Variants in RBFOX3 observed in about 807,000 individuals in gnomAD.
RBFOX3 encodes the protein RNA binding protein fox-1 homolog 3.
A neutral mutation model predicts 48.7 loss-of-function variants in RBFOX3; 17 were observed. The ratio of observed to expected loss-of-function variants is 0.35; its 90% CI spans 0.24 to 0.52. RBFOX3 has a LOEUF of 0.52. RBFOX3 is among the 20% of genes least tolerant of loss of function. The pLI is 0.94. For missense variants in RBFOX3, 382 were observed against 497.5 expected (o/e 0.77, Z 2.21); for synonymous variants, 212 against 209.5 (o/e 1.01, Z -0.10).
At chr17:79,528,744 C>T (rs981640718) in intron 1 of RBFOX3, among the ~76,000 whole-genome samples, 2 of 152,006 alleles carry the variant, frequency 1.3e-5, no homozygotes, top group Admixed American at 6.6e-5. Context: ...CGGAGCACTG[C>T]GGGCTGCTGG....
chr17:79,520,450 G>C (rs991963918), intron 1 of RBFOX3, among the ~76,000 whole-genome samples: 3 of 152,166 alleles, frequency 2.0e-5, no homozygotes, highest in African/African-American at 7.2e-5. Flanking sequence ...GCACGTGCCA[G>C]GGTCCAGGGG....
At chr17:79,232,708 T>A (rs1323061777) in intron 4 of RBFOX3, among the ~76,000 whole-genome samples, 3 of 149,646 alleles carry the variant, frequency 2.0e-5, no homozygotes, top group South Asian at 2.1e-4. Context: ...CGAAAAAAAA[T>A]CTCTTTACTT....
At chr17:79,107,181 G>A (rs1171650435) in intron 5 of RBFOX3, among the ~76,000 whole-genome samples, 1 of 152,338 alleles carries the variant, frequency 6.6e-6, no homozygotes, top group Admixed American at 6.5e-5. Context: ...GGACCCCACT[G>A]TCTTTCAAGT....
the RBFOX3 span, among the ~76,000 whole-genome samples, chr17:79,659,744 C>T: frequency 6.6e-6 from 1 of 152,162 alleles, no homozygotes; most frequent in Non-Finnish European, 1.5e-5. Context: ...TTAGTATAGG[C>T]TCAATGAATA....
the RBFOX3 span, among the ~76,000 whole-genome samples, chr17:79,636,961 A>T: frequency 2.5e-4 from 38 of 152,366 alleles, no homozygotes; most frequent in African/African-American, 8.4e-4. Flanking sequence ...CTGAAAGTAA[A>T]GCGATGGGAA....
intron 1 of RBFOX3, among the ~76,000 whole-genome samples, chr17:79,494,950 G>A (rs1452749537): frequency 4.6e-5 from 7 of 152,204 alleles, no homozygotes; most frequent in Admixed American, 1.3e-4. Flanking sequence ...GCTGGGCCCC[G>A]AGGAGGACTT....
At chr17:79,264,968 G>T (rs1049439414) in intron 3 of RBFOX3, among the ~76,000 whole-genome samples, 1 of 151,296 alleles carries the variant, frequency 6.6e-6, no homozygotes, top group East Asian at 1.9e-4. Context: ...CGAGAGGAGG[G>T]GGGGGGGGCG....
chr17:79,449,634 C>CACACACACAA (rs1555740320), intron 2 of RBFOX3, among the ~76,000 whole-genome samples: 1 of 151,692 alleles, frequency 6.6e-6, no homozygotes. Context: ...CACACACACA[C>CACACACACAA]ACACACACAC....
At position 79,569,200 on chromosome 17, in the gene RBFOX3, T is replaced by G. The variant is rs907109059; in HGVS notation, c.-320+41626A>C. Among the ~76,000 whole-genome samples, 1,208 of 152,168 alleles carry G rather than the reference T, an allele frequency of 7.9e-3. 18 individuals carry two copies. The highest frequency in any genetic ancestry group is 0.028 in the African/African-American group (1,149 of 41,498). On this transcript the variant is annotated intron_variant, in intron 1 of 14. Coordinates refer to ENST00000693108, the MANE Select transcript of RBFOX3 (RefSeq NM_001350451.2). The stretch of plus-strand genomic sequence containing the variant: ...ATGACCCACTTCCAGAACTTTTCTA[T>G]CACCCCAAACAGAAACTCCATTCCT...
intron 1 of RBFOX3, among the ~76,000 whole-genome samples, chr17:79,522,655 C>T (rs1330480859): frequency 3.3e-5 from 5 of 151,998 alleles, no homozygotes; most frequent in African/African-American, 7.2e-5. Context: ...GAGGGCTGGG[C>T]GTGGTGGCTC....
chr17:79,522,523 C>T (rs1400002819), intron 1 of RBFOX3, among the ~76,000 whole-genome samples: 1 of 152,166 alleles, frequency 6.6e-6, no homozygotes, highest in Admixed American at 6.5e-5. Context: ...TTGAGAGATC[C>T]TTAGTTGTAT....
At chr17:79,269,380 C>T (rs753840053) in intron 3 of RBFOX3, among the ~76,000 whole-genome samples, 5 of 152,166 alleles carry the variant, frequency 3.3e-5, no homozygotes, top group Non-Finnish European at 5.9e-5. Flanking sequence ...GAAACTCACA[C>T]AGACGCCAGG....
intron 3 of RBFOX3, among the ~76,000 whole-genome samples, chr17:79,292,457 C>T (rs1470813050): frequency 6.6e-6 from 1 of 152,046 alleles, no homozygotes; most frequent in Non-Finnish European, 1.5e-5. Context: ...CAGTCACTAG[C>T]ATGTCCCCGG....
chr17:79,269,436 C>T (rs746752869), intron 3 of RBFOX3, among the ~76,000 whole-genome samples: 10 of 152,170 alleles, frequency 6.6e-5, no homozygotes, highest in Non-Finnish European at 1.2e-4. Flanking sequence ...GGACTCCTCG[C>T]AGGCAGCAGG....
chr17:79,549,322 G>A (rs2090893490), intron 1 of RBFOX3, among the ~76,000 whole-genome samples: 1 of 152,224 alleles, frequency 6.6e-6, no homozygotes, highest in South Asian at 2.1e-4. Flanking sequence ...GCTGGTCCCA[G>A]CCCACTCCTC....
Position 79,104,219 on chromosome 17 carries a change from C to A in RBFOX3, c.361-93G>T, listed in dbSNP as rs537361256. The A allele has an allele frequency of 3.7e-5, 41 of 1,116,584 alleles. No individual in the cohort carries two copies. In the East Asian group the frequency reaches 8.7e-4, roughly 24 times the overall value. The allele number at this position is 1,116,584 out of a possible 1,614,324, so 69.2% of individuals were successfully genotyped here. A position where few individuals can be genotyped will look rare whatever the true frequency, so the allele number is the denominator to read the frequency against. On this transcript the variant is annotated intron_variant, in intron 6 of 14. Coordinates refer to ENST00000693108, the MANE Select transcript of RBFOX3 (RefSeq NM_001350451.2). ...CTGCCCGCTCCACTCCTGAGACGCTCATGCCTGTGCTCTGCCCTCGGCCCC... is the reference window on the plus strand; with the variant it reads ...CTGCCCGCTCCACTCCTGAGACGCTAATGCCTGTGCTCTGCCCTCGGCCCC...
chr17:79,363,665 A>G lies in RBFOX3; in HGVS notation c.-174-55841T>C, dbSNP rs1235144314. ...TCGATTCCCTCCTTTCCTTGATGCC[A>G]GTATCCAGGCCACCAGCAGGTGTTT... On this transcript the variant is annotated intron_variant, in intron 2 of 14. Transcript: ENST00000693108. This position sits in a 1 kb window ranked among gnomAD's most constrained non-coding sequence, Gnocchi z 4.7. Among the ~76,000 whole-genome samples, 2 of 151,836 alleles carry G rather than the reference A, an allele frequency of 1.3e-5. No individual in the cohort carries two copies. The highest frequency in any genetic ancestry group is 4.8e-5 in the African/African-American group (2 of 41,292).
At chr17:79,100,488 C>T (rs1436518247) in intron 9 of RBFOX3, 1 of 152,258 alleles carries the variant, frequency 6.6e-6, no homozygotes, top group African/African-American at 2.4e-5. Flanking sequence ...CCCACCCCAG[C>T]ATCGGACACC....
chr17:79,128,840 G>A (rs1225378064), intron 4 of RBFOX3, among the ~76,000 whole-genome samples: 1 of 152,220 alleles, frequency 6.6e-6, no homozygotes, highest in African/African-American at 2.4e-5. Flanking sequence ...GATGTACAGA[G>A]GGGTCCCTGC....
Sources: gnomAD v4.1 joint callset for allele counts (sites outside exome capture counted in the v4.1 genomes callset) on GRCh38, gnomAD v4.1.1 for gene constraint, Gnocchi (gnomAD v3.1) non-coding constraint, MANE v1.5 for transcripts, NCBI Gene and HGNC (gene_info 2026-07-23, HGNC 2026-07-21) for gene names.